Variants in ABCA13 observed in about 807,000 individuals in gnomAD.
ABCA13 encodes the protein ATP-binding cassette sub-family A member 13.
ABCA13 carries 476 observed loss-of-function variants against 478.7 expected under a neutral mutation model. The observed-to-expected ratio is 0.99, with a 90% CI of 0.92 to 1.07. ABCA13 has a LOEUF of 1.07. Ranked by LOEUF, ABCA13 falls within the 50% of genes least tolerant of loss-of-function variation. The pLI is 0.00. For synonymous variants in ABCA13, 2,252 were observed against 2,158.9 expected (o/e 1.04, Z -1.20); for missense variants, 6,060 against 5,910.6 (o/e 1.03, Z -0.83).
intron 43 of ABCA13, among the ~76,000 whole-genome samples, chr7:48,458,931 C>T (rs1487320526): frequency 6.6e-6 from 1 of 152,186 alleles, no homozygotes; most frequent in Non-Finnish European, 1.5e-5. Context: ...ACTTTATAGA[C>T]TGTGAGGGAG....
At chr7:48,219,951 T>C (rs1462962708) in intron 4 of ABCA13, among the ~76,000 whole-genome samples, 1 of 149,136 alleles carries the variant, frequency 6.7e-6, no homozygotes, top group African/African-American at 2.5e-5. Context: ...ATTCATTTCC[T>C]CCTTCTTGTA....
At chr7:48,575,774 T>TTCAC (rs1219153710) in intron 55 of ABCA13, among the ~76,000 whole-genome samples, 1 of 152,174 alleles carries the variant, frequency 6.6e-6, no homozygotes, top group Non-Finnish European at 1.5e-5. Context: ...CACTTTCATT[T>TTCAC]TCACAACAGG....
chr7:48,606,869 G>A (rs1215357125), intron 58 of ABCA13, among the ~76,000 whole-genome samples: 2 of 152,224 alleles, frequency 1.3e-5, no homozygotes, highest in Non-Finnish European at 2.9e-5. Context: ...TTATCTATAA[G>A]TCCCTGACTG....
At chr7:48,300,076 G>C (rs1799942441) in intron 23 of ABCA13, among the ~76,000 whole-genome samples, 1 of 152,198 alleles carries the variant, frequency 6.6e-6, no homozygotes, top group Admixed American at 6.5e-5. Context: ...TTAACATTAG[G>C]TTAGGAGGTG....
chr7:48,257,482 G>A (rs1793566433), intron 15 of ABCA13, among the ~76,000 whole-genome samples: 2 of 152,068 alleles, frequency 1.3e-5, no homozygotes, highest in Non-Finnish European at 2.9e-5. Context: ...TTCCTTCATT[G>A]CCTAGTTTGT....
chr7:48,393,641 C>T (rs117135334), intron 38 of ABCA13, among the ~76,000 whole-genome samples: 1 of 152,250 alleles, frequency 6.6e-6, no homozygotes, highest in Non-Finnish European at 1.5e-5. Context: ...ATTTCTTTAC[C>T]ACTTTTTCCG....
At chr7:48,197,140 C>G (rs1798035442) in intron 2 of ABCA13, among the ~76,000 whole-genome samples, 1 of 152,198 alleles carries the variant, frequency 6.6e-6, no homozygotes. Flanking sequence ...ATGGTTTGGG[C>G]AGGCTGCACA....
In ABCA13 at chr7:48,279,686, T is replaced by C; in HGVS notation, c.8492T>C (p.Leu2831Pro). 1 of 1,613,624 alleles carries C rather than the reference T, an allele frequency of 6.2e-7. No individual in the cohort carries two copies. Among genetic ancestry groups the C allele is most frequent in the Non-Finnish European group, 8.5e-7 (1 of 1,179,760 alleles). ...SRIALWRKGL[L>P]FNNSEWITST... ...ATAGCTCTCTGGAGGAAAGGACTTC[T>C]GTTTAACAACTCTGAATGGATAACT... The change falls in exon 18 of 62, where the codon CTG becomes CCG. Residue 2831 changes from leucine to proline, a missense_variant. Leu to Pro is a moderately conservative substitution (Grantham distance 98). Coordinates refer to ENST00000435803, the MANE Select transcript of ABCA13 (RefSeq NM_152701.5).
At chr7:48,617,939 A>G (rs1397345162) in intron 59 of ABCA13, among the ~76,000 whole-genome samples, 1 of 152,172 alleles carries the variant, frequency 6.6e-6, no homozygotes, top group Non-Finnish European at 1.5e-5. Flanking sequence ...CAGATACATA[A>G]GAGGAAAAAA....
intron 55 of ABCA13, among the ~76,000 whole-genome samples, chr7:48,560,666 T>C (rs1786364242): frequency 6.6e-6 from 1 of 152,232 alleles, no homozygotes; most frequent in Admixed American, 6.5e-5. Flanking sequence ...CTGATTAGCA[T>C]ACCCATTACT....
rs1405865166 is a variant in ABCA13 at position 48,615,616 on chromosome 7, T to C, written c.14837+239T>C. 2.0e-5 allele frequency among the ~76,000 whole-genome samples: 3 copies of C among 152,144 alleles called. No homozygotes were observed. The East Asian group carries it at 5.8e-4, about 29-fold the overall frequency. ...GACATTTTGCTTTTCTCTTGCCAGGTAGACATTGCTCCCTCCTTGTAGTGA... is the reference window on the plus strand; with the variant it reads ...GACATTTTGCTTTTCTCTTGCCAGGCAGACATTGCTCCCTCCTTGTAGTGA... On this transcript the variant is annotated intron_variant, in intron 59 of 61. Transcript: ENST00000435803.
intron 35 of ABCA13, among the ~76,000 whole-genome samples, chr7:48,387,597 G>C (rs190438800): frequency 1.3e-4 from 20 of 152,292 alleles, no homozygotes; most frequent in East Asian, 7.7e-4. Context: ...GGAAGTGGCT[G>C]AGAGGGGGTT....
intron 58 of ABCA13, among the ~76,000 whole-genome samples, chr7:48,609,848 A>G (rs1791847182): frequency 1.3e-5 from 2 of 152,210 alleles, no homozygotes; most frequent in Admixed American, 1.3e-4. Flanking sequence ...ACTCACTATC[A>G]CAAGAATAGC....
intron 43 of ABCA13, among the ~76,000 whole-genome samples, chr7:48,458,827 T>C (rs970742126): frequency 6.6e-6 from 1 of 152,156 alleles, no homozygotes; most frequent in African/African-American, 2.4e-5. Context: ...GTTCTCCAAC[T>C]CACATGCTTT....
At chr7:48,553,376 G>T (rs1166723007) in intron 55 of ABCA13, among the ~76,000 whole-genome samples, 2 of 151,878 alleles carry the variant, frequency 1.3e-5, no homozygotes, top group Non-Finnish European at 2.9e-5. Flanking sequence ...TTAGTTTTGA[G>T]GAACTTCCAA....
intron 58 of ABCA13, among the ~76,000 whole-genome samples, chr7:48,605,032 A>G (rs1791326732): frequency 2.0e-5 from 3 of 152,142 alleles, no homozygotes; most frequent in East Asian, 3.9e-4. Context: ...CTGTTTTATC[A>G]GAGACTAGGA....
At chr7:48,345,444 A>T (rs1807923199) in intron 29 of ABCA13, among the ~76,000 whole-genome samples, 1 of 152,158 alleles carries the variant, frequency 6.6e-6, no homozygotes, top group South Asian at 2.1e-4. Flanking sequence ...GTGGAGGTGG[A>T]AAAAAGTGAT....
intron 55 of ABCA13, among the ~76,000 whole-genome samples, chr7:48,530,021 A>T (rs534158195): frequency 1.1e-3 from 163 of 152,258 alleles, no homozygotes; most frequent in African/African-American, 3.7e-3. Flanking sequence ...TCACCCAAGC[A>T]GTGTACACAG....
At chr7:48,476,623 A>G (rs1828123307) in intron 45 of ABCA13, among the ~76,000 whole-genome samples, 3 of 152,150 alleles carry the variant, frequency 2.0e-5, no homozygotes, top group African/African-American at 4.8e-5. Context: ...GGCTGACCCC[A>G]TCGTGGATCC....
Sources: gnomAD v4.1 joint callset for allele counts (sites outside exome capture counted in the v4.1 genomes callset) on GRCh38, gnomAD v4.1.1 for gene constraint, MANE v1.5 for transcripts, NCBI Gene and HGNC (gene_info 2026-07-23, HGNC 2026-07-21) for gene names.